The following ITGB7 variants were observed in gnomAD, a reference collection of about 807,000 sequenced individuals.
ITGB7 encodes the protein integrin subunit beta 7, also known as integrin beta-7.
A neutral mutation model predicts 83.4 loss-of-function variants in ITGB7; 55 were observed. That is an observed-to-expected ratio of 0.66 (90% CI 0.53 to 0.83). The LOEUF (loss-of-function observed/expected upper bound fraction) is 0.83, where lower values mean the gene tolerates loss of function less well. Among genes scored for constraint, ITGB7 ranks in the 40% least tolerant of loss-of-function variants. The pLI is 0.00. For synonymous variants in ITGB7, 454 were observed against 423.6 expected (o/e 1.07, Z -0.88); for missense variants, 921 against 1,046.7 (o/e 0.88, Z 1.66).
At chr12:53,198,254 C>T (rs1427228485) in intron 3 of ITGB7, among the ~76,000 whole-genome samples, 1 of 152,124 alleles carries the variant, frequency 6.6e-6, no homozygotes, top group Non-Finnish European at 1.5e-5. Flanking sequence ...CTCAGCCTCC[C>T]GGTAGCTGGG....
In ITGB7 at chr12:53,191,898, A is replaced by G; in HGVS notation, c.2277T>C (p.Ser759=). 1.2e-6 allele frequency: 2 copies of G among 1,612,724 alleles called. No homozygotes were observed. The highest frequency in any genetic ancestry group is 1.7e-6 in the Non-Finnish European group (2 of 1,179,940). ...GTTGTTGCTGCTCCTTCTCAAAGCGACTGTATTCCCGGCGGTCATAGATTT... is the reference window on the plus strand; with the variant it reads ...GTTGTTGCTGCTCCTTCTCAAAGCGGCTGTATTCCCGGCGGTCATAGATTT... The part of the protein sequence containing the change: ...SVEIYDRREY[S]RFEKEQQQLN... Residue 759 remains serine (S), a synonymous_variant, in exon 15 of 16, where the codon AGT becomes AGC. Transcript: ENST00000267082.
At chr12:53,205,247 C>A (rs1237279743) in intron 1 of ITGB7, among the ~76,000 whole-genome samples, 1 of 152,118 alleles carries the variant, frequency 6.6e-6, no homozygotes, top group Non-Finnish European at 1.5e-5. Context: ...TGTACTGGTG[C>A]AATCATGGCT....
Position 53,191,929 on chromosome 12 carries a change from G to A in ITGB7, c.2246C>T (p.Ser749Leu), listed in dbSNP as rs773128859. 2.1e-5 allele frequency: 34 copies of A among 1,610,824 alleles called. No homozygotes were observed. Among genetic ancestry groups the A allele is most frequent in the Admixed American group, 3.3e-5 (2 of 59,990 alleles). The change falls in exon 15 of 16, where the codon TCG becomes TTG. Residue 749 changes from serine to leucine, a missense_variant. Coordinates refer to ENST00000267082, the MANE Select transcript of ITGB7 (RefSeq NM_000889.3). ...GLGLVLAYRLSVEIYDRREYS... is the reference protein window; with the variant it reads ...GLGLVLAYRLLVEIYDRREYS... The stretch of plus-strand genomic sequence containing the variant: ...TTCCCGGCGGTCATAGATTTCCACC[G>A]AGAGCCGGTAAGCCAGGACCAGCCC...
chr12:53,200,487 A>AGGACTCTC, intron 2 of ITGB7, 41 bp from the exon 3 acceptor site: 1 of 1,567,330 alleles, frequency 6.4e-7, no homozygotes, highest in South Asian at 1.1e-5. Flanking sequence ...GTCCTCAGGG[A>AGGACTCTC]GGACTCTCAA....
chr12:53,196,801 G>T lies in ITGB7; in HGVS notation c.594C>A (p.Asp198Glu). The T allele has an allele frequency of 6.3e-7, 1 of 1,597,976 alleles. No homozygotes were observed. The highest frequency in any genetic ancestry group is 8.6e-7 in the Non-Finnish European group (1 of 1,166,880). The change falls in exon 6 of 16, where the codon GAC becomes GAA. Residue 198 changes from aspartate (D) to glutamate (E), a missense_variant. Physicochemically the swap from Asp to Glu is conservative, Grantham distance 45. Transcript: ENST00000267082. ...TGCTCACAAAGGGCAGCACCGTTTT[G>T]TCCACAAAGGAACCAAAACCTGGGA... ...SVRIGFGSFV[D>E]KTVLPFVSTV...
At chr12:53,191,755 T>C (rs1471046178) in intron 15 of ITGB7, 104 bp downstream of exon 15, 3 of 1,533,590 alleles carry the variant, frequency 2.0e-6, no homozygotes. Context: ...GCAGAGGGGT[T>C]GGTTACATGT....
rs141289593 is a variant in ITGB7 at position 53,192,701 on chromosome 12, C to T, written c.1936G>A (p.Glu646Lys). ...DQCPGCKTPCERHRDCAECGA... is the reference protein window; with the variant it reads ...DQCPGCKTPCKRHRDCAECGA... ...GACCTGAGGCCTCACCGGTGTCTCTCGCATGGTGTCTTGCAGCCTGGGCAT... is the reference window on the plus strand; with the variant it reads ...GACCTGAGGCCTCACCGGTGTCTCTTGCATGGTGTCTTGCAGCCTGGGCAT... Residue 646 changes from glutamate to lysine, a missense_variant, in exon 13 of 16, where the codon GAG (glutamate) becomes AAG (lysine). By Grantham distance (56) the Glu-to-Lys change is moderately conservative. Coordinates refer to ENST00000267082, the MANE Select transcript of ITGB7 (RefSeq NM_000889.3). 4.3e-5 allele frequency: 70 copies of T among 1,613,686 alleles called. No individual in the cohort carries two copies. Among genetic ancestry groups the T allele is most frequent in the Non-Finnish European group, 4.9e-5 (58 of 1,179,878 alleles).
rs1942088467 is a variant in ITGB7 at position 53,194,508 on chromosome 12, T to G, written c.1162-164A>C. The G allele has an allele frequency of 9.4e-6, 6 of 636,200 alleles. No individual in the cohort carries two copies. The East Asian group carries it at 1.4e-4, about 15-fold the overall frequency. The allele number at this position is 636,200 out of a possible 1,614,324, so 39.4% of individuals were successfully genotyped here. A position where few individuals can be genotyped will look rare whatever the true frequency, so the allele number is the denominator to read the frequency against. ...GAGGCATTTCTGGAGGGAGGACCCGTGAGAACCTTGCATAGAACATACAGG... is the reference window on the plus strand; with the variant it reads ...GAGGCATTTCTGGAGGGAGGACCCGGGAGAACCTTGCATAGAACATACAGG... On this transcript the variant is annotated intron_variant, in intron 9 of 15. Coordinates refer to ENST00000267082, the MANE Select transcript of ITGB7 (RefSeq NM_000889.3).
intron 7 of ITGB7, 54 bp downstream of exon 7, chr12:53,195,987 A>G: frequency 6.3e-7 from 1 of 1,595,252 alleles, no homozygotes; most frequent in East Asian, 2.2e-5. Context: ...GGAGTCCTGG[A>G]AGGAAAGAGG....
chr12:53,196,441 CA>C, intron 6 of ITGB7, 137 bp downstream of exon 6: 1 of 1,246,418 alleles, frequency 8.0e-7, no homozygotes, highest in Non-Finnish European at 1.1e-6. Flanking sequence ...TCCAACCCAC[CA>C]GGTAATTGCT....
intron 7 of ITGB7, 82 bp from the exon 8 acceptor site, chr12:53,195,803 G>A (rs1942142225): frequency 4.0e-6 from 5 of 1,261,100 alleles, no homozygotes; most frequent in Non-Finnish European, 5.8e-6. Context: ...GGGAATCCAG[G>A]AACCAAGGTT....
At chr12:53,196,246 T>G (rs1339717953) in intron 6 of ITGB7, 47 bp from the exon 7 acceptor site, 1 of 1,597,270 alleles carries the variant, frequency 6.3e-7, no homozygotes, top group Non-Finnish European at 8.6e-7. Flanking sequence ...GCATGGCCCT[T>G]GAGCCACCCC....
intron 3 of ITGB7, 53 bp downstream of exon 3, chr12:53,200,190 T>TACACATACACATAC: frequency 7.0e-7 from 1 of 1,422,498 alleles, no homozygotes; most frequent in Non-Finnish European, 9.9e-7. Flanking sequence ...CACATACATA[T>TACACATACACATAC]ACACATACAC....
chr12:53,206,156 G>C (rs966804462), intron 1 of ITGB7, among the ~76,000 whole-genome samples: 1 of 152,054 alleles, frequency 6.6e-6, no homozygotes, highest in African/African-American at 2.4e-5. Context: ...GAGAATACAT[G>C]TTCTGCCACC....
At chr12:53,191,835 G>T in intron 15 of ITGB7, 24 bp downstream of exon 15, 2 of 1,613,258 alleles carry the variant, frequency 1.2e-6, no homozygotes, top group South Asian at 1.1e-5. Context: ...GCTAAAAAGG[G>T]GCCTAACCAG....
intron 9 of ITGB7, 170 bp from the exon 10 acceptor site, chr12:53,194,514 C>A: frequency 6.4e-6 from 4 of 621,962 alleles, no homozygotes; most frequent in South Asian, 5.7e-5. Context: ...CCCGTGAGAA[C>A]CTTGCATAGA....
At chr12:53,204,836 T>C (rs1047341383) in intron 1 of ITGB7, among the ~76,000 whole-genome samples, 1 of 143,344 alleles carries the variant, frequency 7.0e-6, no homozygotes, top group Admixed American at 6.8e-5. Context: ...TCTTTACCTT[T>C]TTTTTTTTTT....
intron 3 of ITGB7, 36 bp downstream of exon 3, chr12:53,200,207 A>T (rs1942290920): frequency 1.3e-6 from 2 of 1,566,330 alleles, no homozygotes; most frequent in Non-Finnish European, 1.8e-6. Context: ...ACACATACAC[A>T]TACACATGGT....
chr12:53,195,672 A>T lies in ITGB7; in HGVS notation c.1025T>A (p.Ile342Asn). 6.2e-7 allele frequency: 1 copy of T among 1,614,146 alleles called. No individual in the cohort carries two copies. Among genetic ancestry groups the T allele is most frequent in the Non-Finnish European group, 8.5e-7 (1 of 1,179,998 alleles). ...QVAQALSAAN[I>N]QPIFAVTSAA... is the part of the protein sequence containing the mutation. ...ACTGGTGACAGCAAAGATGGGCTGGATATTTGCTGCAGAGAGGGCCTGGGC... is the reference window on the plus strand; with the variant it reads ...ACTGGTGACAGCAAAGATGGGCTGGTTATTTGCTGCAGAGAGGGCCTGGGC... Residue 342 changes from isoleucine (I) to asparagine (N), a missense_variant, in exon 8 of 16, where the codon ATC becomes AAC. Physicochemically the swap from Ile to Asn is moderately radical, Grantham distance 149 (BLOSUM62 -3). Coordinates refer to ENST00000267082, the MANE Select transcript of ITGB7 (RefSeq NM_000889.3).
Sources: allele counts gnomAD v4.1 joint callset (sites outside exome capture counted in the v4.1 genomes callset), GRCh38; gene constraint gnomAD v4.1.1; transcripts MANE v1.5; gene names NCBI Gene and HGNC (gene_info 2026-07-23, HGNC 2026-07-21).